MATN2: variants seen among roughly 807,000 people sequenced by gnomAD.
The protein encoded by MATN2 is matrilin-2.
Under a neutral mutation model 103.2 loss-of-function variants are expected in MATN2, and 69 were observed. The ratio of observed to expected loss-of-function variants is 0.67; its 90% CI spans 0.55 to 0.82. The LOEUF is 0.82. MATN2 is among the 40% of genes least tolerant of loss of function. The probability of loss-of-function intolerance (pLI) is 0.00; values close to 1 mark genes in which losing one functional copy is unlikely to be tolerated. For synonymous variants in MATN2, 429 were observed against 450.2 expected (o/e 0.95, Z 0.60); for missense variants, 1,023 against 1,211.5 (o/e 0.84, Z 2.31).
intron 16 of MATN2, among the ~76,000 whole-genome samples, chr8:98,032,838 G>GT (rs1202228999): frequency 2.5e-4 from 38 of 151,004 alleles, no homozygotes; most frequent in East Asian, 9.7e-4. Context: ...GGCTGTTTTT[G>GT]TTTTGTTTTT....
At chr8:97,884,086 A>G (rs147126350) in intron 1 of MATN2, among the ~76,000 whole-genome samples, 57 of 152,250 alleles carry the variant, frequency 3.7e-4, no homozygotes, top group Middle Eastern at 3.4e-3. Flanking sequence ...TCTAATATAC[A>G]TTAAGTGGCT....
chr8:97,908,568 T>C (rs1336072570), intron 2 of MATN2, among the ~76,000 whole-genome samples: 5 of 152,252 alleles, frequency 3.3e-5, no homozygotes, highest in Admixed American at 1.3e-4. Context: ...TATTAACTTT[T>C]ATCTTTTATT....
Position 98,016,598 on chromosome 8 carries a change from A to G in MATN2, c.1632A>G (p.Glu544=), listed in dbSNP as rs1563728072. ...GTGAACATTCGTGTGTAAGCAGTGA[A>G]GATTCGTTTGTGTGCCAGTGCTTTG... The part of the protein sequence containing the change: ...HGCEHSCVSS[E]DSFVCQCFEG... Residue 544 remains glutamate (E), a synonymous_variant, in exon 11 of 19, where the codon GAA becomes GAG. Transcript: ENST00000254898. 6.2e-7 allele frequency: 1 copy of G among 1,612,090 alleles called. No homozygotes were observed. The highest frequency in any genetic ancestry group is 8.5e-7 in the Non-Finnish European group (1 of 1,179,032).
intron 4 of MATN2, among the ~76,000 whole-genome samples, chr8:97,942,140 T>C (rs977273160): frequency 3.3e-5 from 5 of 152,214 alleles, no homozygotes; most frequent in Non-Finnish European, 5.9e-5. Flanking sequence ...ATCTCAGAAA[T>C]AGCCTCTTTG....
chr8:97,918,252 C>T (rs1189183345), intron 2 of MATN2, among the ~76,000 whole-genome samples: 1 of 152,198 alleles, frequency 6.6e-6, no homozygotes, highest in East Asian at 1.9e-4. Context: ...TCTACAGTCG[C>T]CTCTATACTT....
chr8:97,869,979 T>G (rs1337128997), intron 1 of MATN2, among the ~76,000 whole-genome samples: 1 of 151,970 alleles, frequency 6.6e-6, no homozygotes, highest in African/African-American at 2.4e-5. Context: ...CAAGTTTCAA[T>G]TTGTCATAAA....
intron 12 of MATN2, among the ~76,000 whole-genome samples, chr8:98,020,555 G>A (rs1813552975): frequency 6.6e-6 from 1 of 152,126 alleles, no homozygotes; most frequent in Non-Finnish European, 1.5e-5. Flanking sequence ...TCTACCTCTG[G>A]AATTTGATCC....
intron 5 of MATN2, among the ~76,000 whole-genome samples, chr8:97,974,600 C>T (rs945789672): frequency 2.0e-5 from 3 of 150,734 alleles, no homozygotes; most frequent in Non-Finnish European, 4.4e-5. Flanking sequence ...GCGCCTGCCA[C>T]CACGCCCAGC....
At chr8:98,017,366 C>T (rs1813399947) in intron 11 of MATN2, among the ~76,000 whole-genome samples, 1 of 152,226 alleles carries the variant, frequency 6.6e-6, no homozygotes, top group African/African-American at 2.4e-5. Context: ...CAGCCCAGGA[C>T]AAGCAGCCTT....
chr8:97,879,238 G>A (rs895810824), intron 1 of MATN2, among the ~76,000 whole-genome samples: 4 of 152,136 alleles, frequency 2.6e-5, no homozygotes, highest in Admixed American at 1.3e-4. Flanking sequence ...ATGCAATTTC[G>A]ATGAATGTAG....
At chr8:98,000,805 G>A (rs191772039) in intron 7 of MATN2, among the ~76,000 whole-genome samples, 12 of 152,238 alleles carry the variant, frequency 7.9e-5, no homozygotes, top group South Asian at 2.1e-4. Context: ...GTCCCTGCTC[G>A]TGGAACTCAG....
chr8:97,977,167 T>G (rs1468462792), intron 5 of MATN2, among the ~76,000 whole-genome samples: 4 of 131,238 alleles, frequency 3.0e-5, no homozygotes, highest in African/African-American at 1.2e-4. Context: ...ACCCAGGAGG[T>G]TGAGGCTGCA....
chr8:97,928,577 C>T (rs1460944615), intron 2 of MATN2, among the ~76,000 whole-genome samples: 1 of 152,146 alleles, frequency 6.6e-6, no homozygotes, highest in African/African-American at 2.4e-5. Context: ...CCCTGGGGCT[C>T]AGGGCTTGGC....
intron 5 of MATN2, among the ~76,000 whole-genome samples, chr8:97,973,201 A>G (rs79023687): frequency 0.021 from 3,144 of 152,244 alleles, 119 homozygotes; most frequent in African/African-American, 0.072. Flanking sequence ...GTGGATTTCA[A>G]ATTGAGATGG....
At chr8:98,012,922 G>T (rs1047731130) in intron 10 of MATN2, among the ~76,000 whole-genome samples, 1 of 152,228 alleles carries the variant, frequency 6.6e-6, no homozygotes, top group African/African-American at 2.4e-5. Flanking sequence ...TATCCAATGA[G>T]TTGAACTTCC....
intron 2 of MATN2, among the ~76,000 whole-genome samples, chr8:97,924,472 A>G (rs1586419619): frequency 6.6e-6 from 1 of 152,090 alleles, no homozygotes; most frequent in Non-Finnish European, 1.5e-5. Context: ...CATTTTCTGA[A>G]ATCAATTTTC....
chr8:97,878,970 C>G (rs946574993), intron 1 of MATN2, among the ~76,000 whole-genome samples: 1 of 152,174 alleles, frequency 6.6e-6, no homozygotes, highest in African/African-American at 2.4e-5. Flanking sequence ...GATGCAGAAC[C>G]AGGGCCATTT....
intron 1 of MATN2, among the ~76,000 whole-genome samples, chr8:97,875,961 C>G (rs201997130): frequency 3.0e-4 from 46 of 152,094 alleles, no homozygotes; most frequent in African/African-American, 1.1e-3. Flanking sequence ...TCCCAAAGTG[C>G]TGGGATTACA....
chr8:97,938,755 C>T (rs550848847), intron 3 of MATN2, among the ~76,000 whole-genome samples: 2 of 152,318 alleles, frequency 1.3e-5, no homozygotes, highest in South Asian at 2.1e-4. Context: ...TAAACCATTG[C>T]TCCATATATT....
Sources: gnomAD v4.1 joint callset for allele counts (sites outside exome capture counted in the v4.1 genomes callset) on GRCh38, gnomAD v4.1.1 for gene constraint, MANE v1.5 for transcripts, NCBI Gene and HGNC (gene_info 2026-07-23, HGNC 2026-07-21) for gene names.